OSMR: variants seen among roughly 807,000 people sequenced by gnomAD.
OSMR encodes oncostatin-M-specific receptor subunit beta.
In OSMR, 81 loss-of-function variants were observed where a neutral mutation model predicts 99.9. That is an observed-to-expected ratio of 0.81 (90% CI 0.68 to 0.97). The LOEUF (loss-of-function observed/expected upper bound fraction) is 0.97. Ranked by LOEUF, OSMR falls within the 50% of genes least tolerant of loss-of-function variation. The pLI is 0.00. For synonymous variants in OSMR, 406 were observed against 410.4 expected (o/e 0.99, Z 0.13); for missense variants, 1,099 against 1,153.4 (o/e 0.95, Z 0.68).
chr5:38,861,208 G>T (rs1741266474), intron 1 of OSMR, among the ~76,000 whole-genome samples: 1 of 152,136 alleles, frequency 6.6e-6, no homozygotes, highest in South Asian at 2.1e-4. Context: ...TTGGAGGGAA[G>T]GTCAGCAGAT....
intron 9 of OSMR, among the ~76,000 whole-genome samples, chr5:38,913,066 A>T (rs1169929809): frequency 6.6e-6 from 1 of 152,160 alleles, no homozygotes; most frequent in Non-Finnish European, 1.5e-5. Context: ...CAAAAACAAA[A>T]ATTGACAAGT....
chr5:38,884,230 C>A, intron 5 of OSMR, 119 bp downstream of exon 5: 1 of 902,594 alleles, frequency 1.1e-6, no homozygotes, highest in Non-Finnish European at 1.9e-6. Flanking sequence ...TTTTGTTTCC[C>A]AAGTTTTCTA....
chr5:38,900,621 G>C (rs1254557713), intron 7 of OSMR, among the ~76,000 whole-genome samples: 1 of 152,164 alleles, frequency 6.6e-6, no homozygotes, highest in Non-Finnish European at 1.5e-5. Flanking sequence ...GGTAAACAAA[G>C]ACAAAGGTTT....
intron 1 of OSMR, among the ~76,000 whole-genome samples, chr5:38,847,833 C>A (rs1236082461): frequency 6.6e-6 from 1 of 152,134 alleles, no homozygotes; most frequent in Non-Finnish European, 1.5e-5. Flanking sequence ...GTGGCTAAGC[C>A]TTTTGTATCA....
In OSMR at chr5:38,917,618, G is replaced by A; in HGVS notation, c.1358G>A (p.Trp453Ter). 2 of 1,610,600 alleles carry A rather than the reference G, an allele frequency of 1.2e-6. No individual in the cohort carries two copies. Among genetic ancestry groups the A allele is most frequent in the Non-Finnish European group, 1.7e-6 (2 of 1,176,944 alleles). Residue 453 changes from tryptophan to a stop codon, truncating the protein, a stop_gained, in exon 10 of 18, where the codon TGG (tryptophan) becomes TAG (stop). Coordinates refer to ENST00000274276, the MANE Select transcript of OSMR (RefSeq NM_003999.3). LOFTEE classifies it high-confidence loss of function. ...EPGNHTVTLF[W>*]KPLSKLHANG... Reference sequence around the variant, plus strand: ...GGAAATCATACTGTGACCTTATTCTGGAAGGTAAGATGTGCAGATTCCAAA... The same window carrying A: ...GGAAATCATACTGTGACCTTATTCTAGAAGGTAAGATGTGCAGATTCCAAA...
chr5:38,933,549 C>T lies in OSMR; in HGVS notation c.*105C>T, dbSNP rs955433311. The stretch of plus-strand genomic sequence containing the variant: ...TGGTCCTTAATCCCAGTACGATTTG[C>T]AGGTCTGGTTTATATAAGACCACTA... On this transcript the variant is annotated 3_prime_UTR_variant, in exon 18 of 18. Transcript: ENST00000274276. The T allele has an allele frequency of 3.1e-6, 4 of 1,297,100 alleles. No homozygotes were observed. Among genetic ancestry groups the T allele is most frequent in the Middle Eastern group, 1.8e-4 (1 of 5,462 alleles). The allele number at this position is 1,297,100 out of a possible 1,614,324, so 80.3% of individuals were successfully genotyped here.
intron 1 of OSMR, among the ~76,000 whole-genome samples, chr5:38,855,586 C>T (rs540148920): frequency 1.3e-5 from 2 of 152,122 alleles, no homozygotes; most frequent in South Asian, 4.1e-4. Context: ...GTCCTGTCAG[C>T]TCTATCTTTT....
chr5:38,943,687 C>T (rs763242228), intron 1 of OSMR, among the ~76,000 whole-genome samples: 13 of 152,110 alleles, frequency 8.5e-5, no homozygotes, highest in Non-Finnish European at 1.8e-4. Flanking sequence ...GTGGTACACA[C>T]CTGTAATCCC....
chr5:38,943,062 C>T, intron 1 of OSMR: 1 of 888,180 alleles, frequency 1.1e-6, no homozygotes, highest in Non-Finnish European at 1.8e-6. Context: ...AATAGATTTC[C>T]CTACAGATAT....
intron 1 of OSMR, among the ~76,000 whole-genome samples, chr5:38,849,476 T>C (rs1204579401): frequency 6.7e-6 from 1 of 149,936 alleles, no homozygotes; most frequent in Admixed American, 6.7e-5. Context: ...TTGTTTGTTT[T>C]TCCCTAAACC....
At chr5:38,904,888 G>C (rs908903294) in intron 9 of OSMR, among the ~76,000 whole-genome samples, 2 of 152,176 alleles carry the variant, frequency 1.3e-5, no homozygotes, top group African/African-American at 4.8e-5. Context: ...GGCCATGTTT[G>C]GAAATGTAAT....
intron 11 of OSMR, among the ~76,000 whole-genome samples, chr5:38,920,591 A>T (rs1746183670): frequency 6.6e-6 from 1 of 152,222 alleles, no homozygotes; most frequent in Non-Finnish European, 1.5e-5. Context: ...AGGGCTACAC[A>T]TTCCTTTGGG....
chr5:38,914,358 T>C (rs1745779201), intron 9 of OSMR, among the ~76,000 whole-genome samples: 1 of 152,080 alleles, frequency 6.6e-6, no homozygotes, highest in Non-Finnish European at 1.5e-5. Flanking sequence ...TACTAAAAAG[T>C]CAAAAAGCAA....
At chr5:38,901,085 G>C (rs566799582) in intron 7 of OSMR, among the ~76,000 whole-genome samples, 1 of 152,324 alleles carries the variant, frequency 6.6e-6, no homozygotes, top group East Asian at 1.9e-4. Context: ...GCAAGATATG[G>C]TGAGTAAGGC....
chr5:38,912,526 T>C (rs1745651068), intron 9 of OSMR, among the ~76,000 whole-genome samples: 2 of 152,136 alleles, frequency 1.3e-5, no homozygotes, highest in African/African-American at 4.8e-5. Flanking sequence ...TCAATGCTAT[T>C]TCTATCAAAC....
At chr5:38,942,350 G>A (rs1241048846) in intron 1 of OSMR, 1 of 1,596,228 alleles carries the variant, frequency 6.3e-7, no homozygotes, top group Non-Finnish European at 8.6e-7. Flanking sequence ...TGGTGGTGTT[G>A]CCAACACAGC....
At chr5:38,919,146 A>G in intron 11 of OSMR, 84 bp downstream of exon 11, 1 of 1,562,778 alleles carries the variant, frequency 6.4e-7, no homozygotes, top group Non-Finnish European at 8.7e-7. Flanking sequence ...TAAATTGAGA[A>G]AACAATAACT....
chr5:38,944,865 T>C (rs1329946081), intron 2 of OSMR: 1 of 1,554,686 alleles, frequency 6.4e-7, no homozygotes, highest in Non-Finnish European at 8.9e-7. Flanking sequence ...AACCAACTAA[T>C]CAGAACAGTT....
intron 7 of OSMR, 70 bp downstream of exon 7, chr5:38,886,260 G>A (rs1391087810): frequency 6.2e-7 from 1 of 1,611,766 alleles, no homozygotes; most frequent in Non-Finnish European, 8.5e-7. Context: ...GTGTGATCAA[G>A]TAAATGTGCT....
Sources: allele counts gnomAD v4.1 joint callset (sites outside exome capture counted in the v4.1 genomes callset), GRCh38; gene constraint gnomAD v4.1.1; transcripts MANE v1.5; gene names NCBI Gene and HGNC (gene_info 2026-07-23, HGNC 2026-07-21).